The following RANBP3 variants were observed in gnomAD, a reference collection of about 807,000 sequenced individuals.
RANBP3 encodes RAN binding protein 3.
RANBP3 carries 14 observed loss-of-function variants against 77.3 expected under a neutral mutation model. The observed-to-expected ratio is 0.18, with a 90% CI of 0.12 to 0.28. The LOEUF (loss-of-function observed/expected upper bound fraction) is 0.28, where lower values mean the gene tolerates loss of function less well. Among genes scored for constraint, RANBP3 ranks in the 10% least tolerant of loss-of-function variants. The pLI, the probability that RANBP3 is intolerant of heterozygous loss-of-function variation, is 1.00. For missense variants in RANBP3, 586 were observed against 752.3 expected, an observed-to-expected ratio of 0.78 and a Z score of 2.59; for synonymous variants, 315 against 312.4, an observed-to-expected ratio of 1.01 and a Z score of -0.09.
intron 6 of RANBP3, 82 bp downstream of exon 6, chr19:5,933,332 C>T: frequency 8.9e-7 from 1 of 1,126,656 alleles, no homozygotes; most frequent in Non-Finnish European, 1.3e-6. Flanking sequence ...CAGGCTGAGC[C>T]CGCGGTGCCC....
At chr19:5,922,200 A>T (rs1276465976) in intron 13 of RANBP3, among the ~76,000 whole-genome samples, 2 of 152,180 alleles carry the variant, frequency 1.3e-5, no homozygotes. Context: ...AAAAGGATGG[A>T]TTATATAGCA....
chr19:5,932,065 T>C (rs904532604), intron 7 of RANBP3, among the ~76,000 whole-genome samples: 9 of 151,414 alleles, frequency 5.9e-5, no homozygotes, highest in Admixed American at 2.0e-4. Flanking sequence ...ATAAATAAAA[T>C]GACCTTTCAA....
At position 5,958,308 on chromosome 19, in the gene RANBP3, C is replaced by A. The variant is rs2058359646; in HGVS notation, c.23-335G>T. On this transcript the variant is annotated intron_variant, in intron 1 of 16. Coordinates refer to ENST00000340578, the MANE Select transcript of RANBP3 (RefSeq NM_007322.3). This position sits in a 1 kb window ranked among gnomAD's most constrained non-coding sequence, Gnocchi z 4.4. ...CGCTATTTGGCGCCATGAACTGTGA[C>A]CTTGCAGGAATGTGGCACCTCCTGA... 6.6e-6 allele frequency among the ~76,000 whole-genome samples: 1 copy of A among 152,186 alleles called. No individual in the cohort carries two copies. Among genetic ancestry groups the A allele is most frequent in the African/African-American group, 2.4e-5 (1 of 41,434 alleles).
rs768224618 is a variant in RANBP3 at position 5,932,583 on chromosome 19, C to T, written c.473-39G>A. Reference sequence around the variant, plus strand: ...GCGGCCTTCCCAGTGCCCGTGGACCCCTGCCTGCCCCCAGGCGCTTCAGAG... The same window carrying T: ...GCGGCCTTCCCAGTGCCCGTGGACCTCTGCCTGCCCCCAGGCGCTTCAGAG... On this transcript the variant is annotated intron_variant, in intron 6 of 16. Coordinates refer to ENST00000340578, the MANE Select transcript of RANBP3 (RefSeq NM_007322.3). 2.6e-6 allele frequency: 4 copies of T among 1,553,226 alleles called. No individual in the cohort carries two copies. The Admixed American group carries it at 6.7e-5, about 26-fold the overall frequency.
intron 14 of RANBP3, among the ~76,000 whole-genome samples, chr19:5,919,770 G>A (rs554752143): frequency 2.6e-5 from 4 of 152,166 alleles, no homozygotes; most frequent in East Asian, 1.9e-4. Context: ...GCTTGGTGGC[G>A]GGTGCCTATA....
chr19:5,921,007 G>C lies in RANBP3; in HGVS notation c.1330+194C>G, dbSNP rs2145017529. ...ACGGACGAGCTGGCAGCTGGAGCCA[G>C]TGTGTGAGGGTGGTGTTGAGGGCTG... On this transcript the variant is annotated intron_variant, in intron 14 of 16. Transcript: ENST00000340578. This position sits in a 1 kb window ranked among gnomAD's most constrained non-coding sequence, Gnocchi z 5.3. 1 of 482,114 alleles carries C rather than the reference G, an allele frequency of 2.1e-6. No individual in the cohort carries two copies. Among genetic ancestry groups the C allele is most frequent in the Admixed American group, 4.2e-5 (1 of 23,830 alleles). 29.9% of individuals were successfully genotyped at this position (482,114 alleles called of 1,614,324 possible).
At position 5,958,744 on chromosome 19, in the gene RANBP3, C is replaced by T. The variant is rs1599780980; in HGVS notation, c.23-771G>A. ...GGACTGCCTCGACCCCACGAGGAGGCGCAGACCACACCTGCCTCATGGCCT... is the reference window on the plus strand; with the variant it reads ...GGACTGCCTCGACCCCACGAGGAGGTGCAGACCACACCTGCCTCATGGCCT... On this transcript the variant is annotated intron_variant, in intron 1 of 16. Transcript: ENST00000340578. This position sits in a 1 kb window ranked among gnomAD's most constrained non-coding sequence, Gnocchi z 4.4. Among the ~76,000 whole-genome samples, 1 of 152,254 alleles carries T rather than the reference C, an allele frequency of 6.6e-6. No individual in the cohort carries two copies. The highest frequency in any genetic ancestry group is 2.4e-5 in the African/African-American group (1 of 41,472).
rs1168629926 is a variant in RANBP3, at chr19:5,924,035, C to T, written c.997-121G>A. The T allele has an allele frequency of 6.8e-6, 5 of 733,144 alleles. No individual in the cohort carries two copies. The highest frequency in any genetic ancestry group is 3.4e-5 in the South Asian group (2 of 59,352). The allele number at this position is 733,144 out of a possible 1,614,324, so 45.4% of individuals were successfully genotyped here. ...TGCCCCCAGCACTCCTGCCCACTCC[C>T]GGTGACACCCTGAACTGCCTGGGAG... is the stretch of plus-strand genomic sequence containing the variant. On this transcript the variant is annotated intron_variant, in intron 11 of 16. Coordinates refer to ENST00000340578, the MANE Select transcript of RANBP3 (RefSeq NM_007322.3). The surrounding 1 kb of genome is among the most constrained non-coding windows in gnomAD (Gnocchi z 4.7).
At chr19:5,964,557 G>C (rs1042822228) in intron 1 of RANBP3, among the ~76,000 whole-genome samples, 2 of 152,106 alleles carry the variant, frequency 1.3e-5, no homozygotes, top group Admixed American at 1.3e-4. Flanking sequence ...TATGACACAG[G>C]GGAGGCACAG....
At chr19:5,925,582 G>C in intron 10 of RANBP3, 52 bp downstream of exon 10, 1 of 1,529,822 alleles carries the variant, frequency 6.5e-7, no homozygotes, top group Non-Finnish European at 9.0e-7. Flanking sequence ...AGAAGCCCTC[G>C]CGGCCACCTG....
In RANBP3 at chr19:5,969,429, G is replaced by A. The variant is rs535468836; in HGVS notation, c.22+8632C>T. ...AAAATTCTCTGTGGCAAACCTGGGGGAGTTTAATTTAGCAAAGGCATTTTA... is the reference window on the plus strand; with the variant it reads ...AAAATTCTCTGTGGCAAACCTGGGGAAGTTTAATTTAGCAAAGGCATTTTA... On this transcript the variant is annotated intron_variant, in intron 1 of 16. Transcript: ENST00000340578. 3.3e-5 allele frequency among the ~76,000 whole-genome samples: 5 copies of A among 152,346 alleles called. No homozygotes were observed. In the East Asian group the frequency reaches 7.7e-4, roughly 24 times the overall value.
At chr19:5,917,713 C>T in intron 16 of RANBP3, 60 bp from the exon 17 acceptor site, 2 of 1,588,506 alleles carry the variant, frequency 1.3e-6, no homozygotes, top group Non-Finnish European at 1.7e-6. Context: ...GTCTGGCCAC[C>T]CCCGCCAGGA....
chr19:5,976,222 G>C (rs2058589371), intron 1 of RANBP3, among the ~76,000 whole-genome samples: 1 of 152,166 alleles, frequency 6.6e-6, no homozygotes, highest in Admixed American at 6.5e-5. Context: ...GGTGTAGTGG[G>C]GGAGATAAGG....
chr19:5,960,635 A>C (rs150947836), intron 1 of RANBP3, among the ~76,000 whole-genome samples: 182 of 152,338 alleles, frequency 1.2e-3, no homozygotes, highest in African/African-American at 4.1e-3. Context: ...TGAGGCGAAG[A>C]CACTTGGTGC....
intron 14 of RANBP3, among the ~76,000 whole-genome samples, chr19:5,920,494 GA>G (rs2057804092): frequency 6.6e-6 from 1 of 152,130 alleles, no homozygotes; most frequent in Non-Finnish European, 1.5e-5. Flanking sequence ...CACCAATAGG[GA>G]AAAGTCCATT....
At chr19:5,951,220 CTT>C (rs35702408) in intron 3 of RANBP3, among the ~76,000 whole-genome samples, 171 bp downstream of exon 3, 2 of 152,208 alleles carry the variant, frequency 1.3e-5, no homozygotes, top group South Asian at 4.1e-4. Flanking sequence ...TCTTCCCTGA[CTT>C]TTCAGCAGCA....
chr19:5,943,733 G>A (rs898468436), intron 3 of RANBP3, among the ~76,000 whole-genome samples: 1 of 152,220 alleles, frequency 6.6e-6, no homozygotes. Flanking sequence ...GGGACTGTAC[G>A]AGTGAGGGCT....
intron 3 of RANBP3, among the ~76,000 whole-genome samples, chr19:5,947,209 G>A (rs904834394): frequency 6.6e-6 from 1 of 151,786 alleles, no homozygotes; most frequent in Non-Finnish European, 1.5e-5. Context: ...AGCTACTCGG[G>A]AGGCTGAGTC....
At chr19:5,976,288 G>A (rs2058590256) in intron 1 of RANBP3, 1 of 152,172 alleles carries the variant, frequency 6.6e-6, no homozygotes, top group African/African-American at 2.4e-5. Flanking sequence ...TGGAGATGTC[G>A]AAATGTGATG....
Sources: gnomAD v4.1 joint callset for allele counts (sites outside exome capture counted in the v4.1 genomes callset) on GRCh38, gnomAD v4.1.1 for gene constraint, Gnocchi (gnomAD v3.1) non-coding constraint, MANE v1.5 for transcripts, NCBI Gene and HGNC (gene_info 2026-07-23, HGNC 2026-07-21) for gene names.